NDUFAF2: variants seen among roughly 807,000 people sequenced by gnomAD.
The protein encoded by NDUFAF2 is NADH dehydrogenase [ubiquinone] 1 alpha subcomplex assembly factor 2.
A neutral mutation model predicts 22.8 loss-of-function variants in NDUFAF2; 13 were observed. The ratio of observed to expected loss-of-function variants is 0.57; its 90% CI spans 0.37 to 0.91. The LOEUF is 0.91. Ranked by LOEUF, NDUFAF2 falls within the 40% of genes least tolerant of loss-of-function variation. NDUFAF2 has a pLI of 0.01. For missense variants in NDUFAF2, 162 were observed against 195.2 expected, an observed-to-expected ratio of 0.83 and a Z score of 1.01; for synonymous variants, 53 against 64.2, an observed-to-expected ratio of 0.83 and a Z score of 0.84.
chr5:61,088,286 A>G (rs74981428), intron 2 of NDUFAF2, among the ~76,000 whole-genome samples: 2 of 152,208 alleles, frequency 1.3e-5, no homozygotes, highest in East Asian at 3.9e-4. Flanking sequence ...ACATGAGCAC[A>G]TATATCCCAT....
chr5:61,136,468 A>C (rs1181610689), intron 3 of NDUFAF2, among the ~76,000 whole-genome samples: 2 of 152,108 alleles, frequency 1.3e-5, no homozygotes, highest in Non-Finnish European at 2.9e-5. Flanking sequence ...AAGGTCACCA[A>C]ATACCTCTTT....
chr5:61,056,935 T>A (rs1300363024), intron 1 of NDUFAF2, among the ~76,000 whole-genome samples: 105 of 112,974 alleles, frequency 9.3e-4, no homozygotes, highest in Middle Eastern at 4.8e-3. Flanking sequence ...TATATATATA[T>A]ATATATATAT....
chr5:61,031,031 T>C (rs1751716663), intron 1 of NDUFAF2, among the ~76,000 whole-genome samples: 1 of 152,162 alleles, frequency 6.6e-6, no homozygotes, highest in Non-Finnish European at 1.5e-5. Context: ...TTCCTTTGGC[T>C]GCTTTTTTAA....
At chr5:60,994,865 A>G (rs186309551) in intron 1 of NDUFAF2, among the ~76,000 whole-genome samples, 11 of 152,100 alleles carry the variant, frequency 7.2e-5, no homozygotes, top group Non-Finnish European at 1.2e-4. Flanking sequence ...TCCTGTAGGC[A>G]TACTTCATTG....
chr5:60,975,591 A>G (rs1434332186), intron 1 of NDUFAF2, among the ~76,000 whole-genome samples: 1 of 152,212 alleles, frequency 6.6e-6, no homozygotes, highest in African/African-American at 2.4e-5. Flanking sequence ...GAGATCTCCT[A>G]CAGTCAGTAT....
chr5:61,109,787 C>A (rs1356447685), intron 3 of NDUFAF2, among the ~76,000 whole-genome samples: 1 of 152,158 alleles, frequency 6.6e-6, no homozygotes, highest in Non-Finnish European at 1.5e-5. Context: ...TGTAAGACAT[C>A]CCTCTTTCCC....
intron 1 of NDUFAF2, among the ~76,000 whole-genome samples, chr5:61,056,920 ATATATATATAT>A (rs763588600): frequency 1.8e-3 from 23 of 12,718 alleles, no homozygotes; most frequent in Middle Eastern, 0.042. Flanking sequence ...AAAAAAAAAA[ATATATATATAT>A]ATATATATAT....
chr5:61,122,235 A>G (rs1262771703), intron 3 of NDUFAF2, among the ~76,000 whole-genome samples: 1 of 152,116 alleles, frequency 6.6e-6, no homozygotes, highest in African/African-American at 2.4e-5. Flanking sequence ...ATGAGAGCCA[A>G]TTCCTTACAG....
chr5:61,095,598 G>A (rs1166725052), intron 2 of NDUFAF2, among the ~76,000 whole-genome samples: 1 of 152,206 alleles, frequency 6.6e-6, no homozygotes, highest in Non-Finnish European at 1.5e-5. Flanking sequence ...TGGAGCCTAA[G>A]TATGTAGAGC....
At chr5:60,977,478 A>G (rs1248384016) in intron 1 of NDUFAF2, among the ~76,000 whole-genome samples, 1 of 152,078 alleles carries the variant, frequency 6.6e-6, no homozygotes, top group East Asian at 1.9e-4. Flanking sequence ...GGAGATTGGT[A>G]TATATTGTCA....
intron 1 of NDUFAF2, among the ~76,000 whole-genome samples, chr5:60,946,199 C>G (rs1420412323): frequency 7.9e-5 from 12 of 152,078 alleles, no homozygotes; most frequent in Admixed American, 7.2e-4. Flanking sequence ...CAGAAAATGT[C>G]AGGTTTTGGG....
intron 1 of NDUFAF2, among the ~76,000 whole-genome samples, chr5:61,019,173 CTGAG>C (rs1221883491): frequency 1.3e-5 from 2 of 152,036 alleles, no homozygotes; most frequent in Admixed American, 6.6e-5. Context: ...TCTGAATCCA[CTGAG>C]TATCTTATCC....
chr5:60,965,213 A>G (rs1223497759), intron 1 of NDUFAF2, among the ~76,000 whole-genome samples: 1 of 152,200 alleles, frequency 6.6e-6, no homozygotes, highest in Non-Finnish European at 1.5e-5. Flanking sequence ...CTGACTTGAC[A>G]TAGCTGAGAA....
intron 1 of NDUFAF2, among the ~76,000 whole-genome samples, chr5:60,971,539 G>A (rs1350151100): frequency 3.3e-5 from 5 of 151,684 alleles, no homozygotes; most frequent in African/African-American, 4.8e-5. Flanking sequence ...CGCCCGCCTC[G>A]GCCTCCCAAA....
intron 1 of NDUFAF2, among the ~76,000 whole-genome samples, chr5:60,963,102 G>T (rs1300453540): frequency 6.6e-6 from 1 of 151,770 alleles, no homozygotes; most frequent in Non-Finnish European, 1.5e-5. Context: ...GTGAAGCTGG[G>T]CTCAAACTCC....
intron 1 of NDUFAF2, among the ~76,000 whole-genome samples, chr5:61,028,705 T>A (rs1751687275): frequency 6.6e-6 from 1 of 152,136 alleles, no homozygotes; most frequent in South Asian, 2.1e-4. Flanking sequence ...TTTTGTAACA[T>A]GAATTCCCAG....
chr5:61,006,789 A>G (rs995216546), intron 1 of NDUFAF2, among the ~76,000 whole-genome samples: 5 of 152,104 alleles, frequency 3.3e-5, no homozygotes, highest in Non-Finnish European at 7.4e-5. Flanking sequence ...AGGTATTACC[A>G]TCTAGTTAGT....
intron 3 of NDUFAF2, among the ~76,000 whole-genome samples, chr5:61,106,168 G>T (rs1181236866): frequency 6.6e-6 from 1 of 151,158 alleles, no homozygotes; most frequent in Non-Finnish European, 1.5e-5. Flanking sequence ...TAAAATCATT[G>T]AGTCAAACTC....
intron 2 of NDUFAF2, among the ~76,000 whole-genome samples, chr5:61,080,741 G>A (rs1752431077): frequency 6.6e-6 from 1 of 151,932 alleles, no homozygotes; most frequent in South Asian, 2.1e-4. Context: ...ATAGATATAA[G>A]TCCTTTATCA....
Sources: gnomAD v4.1 joint callset for allele counts (sites outside exome capture counted in the v4.1 genomes callset) on GRCh38, gnomAD v4.1.1 for gene constraint, MANE v1.5 for transcripts, NCBI Gene and HGNC (gene_info 2026-07-23, HGNC 2026-07-21) for gene names.